Variants in FHIP1A observed in about 807,000 individuals in gnomAD.
FHIP1A encodes FHF complex subunit HOOK-interacting protein 1A.
FHIP1A carries 61 observed loss-of-function variants against 88.6 expected under a neutral mutation model. The observed-to-expected ratio is 0.69, with a 90% CI of 0.56 to 0.85. The LOEUF (loss-of-function observed/expected upper bound fraction) is 0.85, where lower values mean the gene tolerates loss of function less well. FHIP1A is among the 40% of genes least tolerant of loss of function. FHIP1A has a pLI of 0.00. For missense variants in FHIP1A, 1,154 were observed against 1,273.5 expected (o/e 0.91, Z 1.43); for synonymous variants, 478 against 496.0 (o/e 0.96, Z 0.48).
At chr4:151,451,806 C>CTTTT (rs112946935) in intron 1 of FHIP1A, among the ~76,000 whole-genome samples, 6 of 147,696 alleles carry the variant, frequency 4.1e-5, no homozygotes, top group African/African-American at 1.5e-4. Context: ...CTTTTTCTTT[C>CTTTT]TTTTTTTTCT....
chr4:151,412,625 TC>T (rs1240074981), intron 1 of FHIP1A, among the ~76,000 whole-genome samples: 4 of 97,258 alleles, frequency 4.1e-5, no homozygotes, highest in African/African-American at 1.5e-4. Flanking sequence ...CCTCCCTCCC[TC>T]CCTCCCTCCC....
At chr4:151,624,685 A>C (rs1735885018) in intron 7 of FHIP1A, among the ~76,000 whole-genome samples, 1 of 152,102 alleles carries the variant, frequency 6.6e-6, no homozygotes, top group Non-Finnish European at 1.5e-5. Flanking sequence ...CCTTCCTCAA[A>C]TATTTTAGGA....
At chr4:151,495,740 C>T (rs1316522800) in intron 3 of FHIP1A, among the ~76,000 whole-genome samples, 2 of 149,748 alleles carry the variant, frequency 1.3e-5, no homozygotes, top group African/African-American at 4.9e-5. Context: ...TATCCTGCTT[C>T]AGCTTCCCAA....
At chr4:151,496,848 C>T (rs1730482129) in intron 3 of FHIP1A, among the ~76,000 whole-genome samples, 1 of 151,516 alleles carries the variant, frequency 6.6e-6, no homozygotes, top group Non-Finnish European at 1.5e-5. Context: ...AGGTGTGAGC[C>T]ACTGCCCTTG....
At position 151,641,214 on chromosome 4, in the gene FHIP1A, G is replaced by C. The variant is rs369522744; in HGVS notation, c.1226+2458G>C. ...CCTCTGTTTCTAATTCTGCTGTGCT[G>C]CTTGAGGGATTCCACCAGGAGAGAA... is the stretch of plus-strand genomic sequence containing the variant. On this transcript the variant is annotated intron_variant, in intron 9 of 13. Coordinates refer to ENST00000435205, the MANE Select transcript of FHIP1A (RefSeq NM_001109977.3). 2.5e-4 allele frequency among the ~76,000 whole-genome samples: 38 copies of C among 152,310 alleles called. 1 individual carries two copies. Among genetic ancestry groups the C allele is most frequent in the African/African-American group, 9.1e-4 (38 of 41,564 alleles).
In FHIP1A at chr4:151,633,790, T is replaced by C. The variant is rs147509294; in HGVS notation, c.1146+3921T>C. On this transcript the variant is annotated intron_variant, in intron 8 of 13. Coordinates refer to ENST00000435205, the MANE Select transcript of FHIP1A (RefSeq NM_001109977.3). ...AAAAGCACTCAACAAACTAGAAATA[T>C]AAAGAAACAACTACAACATATTAAA... 3.0e-4 allele frequency among the ~76,000 whole-genome samples: 45 copies of C among 151,924 alleles called. No individual in the cohort carries two copies. In the South Asian group the frequency reaches 5.6e-3, roughly 19 times the overall value.
intron 7 of FHIP1A, among the ~76,000 whole-genome samples, chr4:151,612,952 G>A (rs1034930568): frequency 2.6e-5 from 4 of 152,198 alleles, no homozygotes; most frequent in South Asian, 2.1e-4. Context: ...CTTACTGACC[G>A]TGCTTCTTTT....
At chr4:151,436,269 G>A (rs1423078215) in intron 1 of FHIP1A, among the ~76,000 whole-genome samples, 9 of 152,220 alleles carry the variant, frequency 5.9e-5, no homozygotes, top group East Asian at 5.8e-4. Flanking sequence ...AAACAAAAAC[G>A]TAGGGGTTTT....
chr4:151,483,393 G>T (rs1484002544), intron 3 of FHIP1A, among the ~76,000 whole-genome samples: 4 of 151,994 alleles, frequency 2.6e-5, no homozygotes, highest in Admixed American at 2.6e-4. Flanking sequence ...ATATTAGTAG[G>T]CCTGAAACTA....
Position 151,475,664 on chromosome 4 carries a change from A to G in FHIP1A, c.-247-6860A>G, listed in dbSNP as rs1202311153. On this transcript the variant is annotated intron_variant, in intron 2 of 13. Transcript: ENST00000435205. Reference sequence around the variant, plus strand: ...GGGAGGGGCAGAGCAGGATGGTAGTAGTGCCCAGTTTGTGGGGCTGCTTAG... The same window carrying G: ...GGGAGGGGCAGAGCAGGATGGTAGTGGTGCCCAGTTTGTGGGGCTGCTTAG... Among the ~76,000 whole-genome samples the G allele has an allele frequency of 4.6e-5, 7 of 152,264 alleles. No homozygotes were observed. The South Asian group carries it at 1.0e-3, about 23-fold the overall frequency.
At chr4:151,585,518 G>C (rs1691788396) in intron 5 of FHIP1A, among the ~76,000 whole-genome samples, 1 of 152,072 alleles carries the variant, frequency 6.6e-6, no homozygotes. Flanking sequence ...TGCCATCCCT[G>C]GCCATCTTAT....
chr4:151,465,670 C>T (rs1318243816), intron 2 of FHIP1A, among the ~76,000 whole-genome samples: 2 of 152,184 alleles, frequency 1.3e-5, no homozygotes, highest in African/African-American at 2.4e-5. Context: ...AAAAGCTTGT[C>T]CACCACGATC....
In FHIP1A at chr4:151,566,209, A is replaced by G; in HGVS notation, c.-51A>G. 2 of 1,242,644 alleles carry G rather than the reference A, an allele frequency of 1.6e-6. No homozygotes were observed. Among genetic ancestry groups the G allele is most frequent in the Admixed American group, 2.7e-5 (1 of 36,390 alleles). The allele number at this position is 1,242,644 out of a possible 1,614,324, so 77.0% of individuals were successfully genotyped here. A position where few individuals can be genotyped will look rare whatever the true frequency, so the allele number is the denominator to read the frequency against. ...CTTGAAAGTTAGTGACGGCTTACCA[A>G]ATTTTAATGAAAATTAAATATGACT... On this transcript the variant is annotated 5_prime_UTR_variant, in exon 4 of 14. Transcript: ENST00000435205.
chr4:151,529,464 A>G (rs1412647702), intron 3 of FHIP1A, among the ~76,000 whole-genome samples: 1 of 152,206 alleles, frequency 6.6e-6, no homozygotes, highest in African/African-American at 2.4e-5. Flanking sequence ...GAGCTAATTC[A>G]TGATTATCTC....
chr4:151,477,759 G>A (rs1254288668), intron 2 of FHIP1A, among the ~76,000 whole-genome samples: 14 of 152,102 alleles, frequency 9.2e-5, no homozygotes, highest in Admixed American at 9.2e-4. Flanking sequence ...CATTATCACA[G>A]ATACGCACAT....
chr4:151,621,733 C>T (rs1426691887), intron 7 of FHIP1A, among the ~76,000 whole-genome samples: 1 of 151,942 alleles, frequency 6.6e-6, no homozygotes, highest in Non-Finnish European at 1.5e-5. Context: ...GTCTCATCAG[C>T]ATTCAGTAGT....
chr4:151,662,816 G>T lies in FHIP1A; in HGVS notation c.*62G>T. ...TAAGGTTTTAGTGTCTTGACTGAAT[G>T]TTAAATGCAAAGCTGCTTACAAAGA... is the stretch of plus-strand genomic sequence containing the variant. On this transcript the variant is annotated 3_prime_UTR_variant, in exon 14 of 14. Coordinates refer to ENST00000435205, the MANE Select transcript of FHIP1A (RefSeq NM_001109977.3). 1.5e-6 allele frequency: 2 copies of T among 1,334,660 alleles called. No individual in the cohort carries two copies. The highest frequency in any genetic ancestry group is 9.9e-7 in the Non-Finnish European group (1 of 1,011,144). 82.7% of individuals were successfully genotyped at this position (1,334,660 alleles called of 1,614,324 possible).
intron 7 of FHIP1A, among the ~76,000 whole-genome samples, chr4:151,628,832 A>G (rs1736049085): frequency 1.3e-5 from 2 of 152,186 alleles, no homozygotes; most frequent in Non-Finnish European, 2.9e-5. Context: ...ACCTCTATTC[A>G]TCAAGAGATG....
chr4:151,636,877 C>G (rs1453102938), intron 8 of FHIP1A, among the ~76,000 whole-genome samples: 1 of 152,030 alleles, frequency 6.6e-6, no homozygotes, highest in Non-Finnish European at 1.5e-5. Context: ...TCAAAACAAA[C>G]TTGAAGAAAC....
Sources: allele counts gnomAD v4.1 joint callset (sites outside exome capture counted in the v4.1 genomes callset), GRCh38; gene constraint gnomAD v4.1.1; transcripts MANE v1.5; gene names NCBI Gene and HGNC (gene_info 2026-07-23, HGNC 2026-07-21).